EYS: variants seen among roughly 807,000 people sequenced by gnomAD.
EYS encodes protein eyes shut homolog.
Under a neutral mutation model 282.1 loss-of-function variants are expected in EYS, and 250 were observed. That is an observed-to-expected ratio of 0.89 (90% CI 0.80 to 0.98). The LOEUF (loss-of-function observed/expected upper bound fraction) is 0.98, where lower values mean the gene tolerates loss of function less well. Among genes scored for constraint, EYS ranks in the 50% least tolerant of loss-of-function variants. EYS has a pLI of 0.00. For synonymous variants in EYS, 1,355 were observed against 1,282.9 expected (o/e 1.06, Z -1.20); for missense variants, 4,016 against 3,709.0 (o/e 1.08, Z -2.15).
chr6:65,439,341 G>C (rs1410513229), intron 5 of EYS, among the ~76,000 whole-genome samples: 2 of 151,006 alleles, frequency 1.3e-5, no homozygotes, highest in East Asian at 3.9e-4. Flanking sequence ...CTCTTTTTTG[G>C]TTCCATATGA....
intron 26 of EYS, among the ~76,000 whole-genome samples, chr6:64,452,990 A>G (rs1475020920): frequency 1.3e-5 from 2 of 152,226 alleles, no homozygotes; most frequent in African/African-American, 4.8e-5. Flanking sequence ...AATGGCAACA[A>G]AAGCCAAAGT....
At chr6:64,516,962 A>G (rs1286105982) in intron 26 of EYS, among the ~76,000 whole-genome samples, 1 of 151,768 alleles carries the variant, frequency 6.6e-6, no homozygotes, top group East Asian at 1.9e-4. Flanking sequence ...ATTTATGTTG[A>G]TGGCAAAGTC....
intron 12 of EYS, among the ~76,000 whole-genome samples, chr6:65,239,154 T>A (rs1766996815): frequency 6.6e-6 from 1 of 152,064 alleles, no homozygotes; most frequent in Non-Finnish European, 1.5e-5. Context: ...GAAAAACTCA[T>A]AGACACAGGC....
chr6:65,467,134 T>C (rs963315952), intron 5 of EYS, among the ~76,000 whole-genome samples: 6 of 152,154 alleles, frequency 3.9e-5, no homozygotes, highest in African/African-American at 7.2e-5. Flanking sequence ...CCATTATGTA[T>C]GTAAAAATTT....
In EYS at chr6:65,446,993, C is replaced by T. The variant is rs941296356; in HGVS notation, c.863-41626G>A. On this transcript the variant is annotated intron_variant, in intron 5 of 42. Transcript: ENST00000503581. ...TAAAGACTTCTCACATAACAGACAT[C>T]GTCTTAGATGATTGTATAGCCTATC... 3.3e-4 allele frequency among the ~76,000 whole-genome samples: 50 copies of T among 151,524 alleles called. 1 individual carries two copies. Among genetic ancestry groups the T allele is most frequent in the Admixed American group, 1.1e-3 (17 of 15,124 alleles).
At chr6:64,735,058 T>C (rs1420474743) in intron 22 of EYS, among the ~76,000 whole-genome samples, 3 of 152,182 alleles carry the variant, frequency 2.0e-5, no homozygotes, top group African/African-American at 7.2e-5. Flanking sequence ...AATGACTTAC[T>C]TTATGGTACA....
intron 1 of EYS, among the ~76,000 whole-genome samples, chr6:65,656,725 TA>T (rs1767843920): frequency 6.6e-6 from 1 of 151,972 alleles, no homozygotes; most frequent in South Asian, 2.1e-4. Flanking sequence ...CAGCAAGTGC[TA>T]ATGTAGAAGC....
At chr6:65,381,523 G>A (rs1765610338) in intron 8 of EYS, among the ~76,000 whole-genome samples, 2 of 151,746 alleles carry the variant, frequency 1.3e-5, no homozygotes, top group Non-Finnish European at 1.5e-5. Context: ...TGCATGTGGG[G>A]CTTAAAACCT....
chr6:65,517,280 T>A (rs1325490292), intron 2 of EYS, among the ~76,000 whole-genome samples: 2 of 151,290 alleles, frequency 1.3e-5, no homozygotes, highest in Non-Finnish European at 3.0e-5. Flanking sequence ...TCCCATTTTT[T>A]AAATAAAAAT....
chr6:65,273,289 G>A (rs1767953228), intron 12 of EYS, among the ~76,000 whole-genome samples: 1 of 152,136 alleles, frequency 6.6e-6, no homozygotes, highest in Non-Finnish European at 1.5e-5. Context: ...GGGGACTACT[G>A]GACTGTTAGT....
intron 36 of EYS, among the ~76,000 whole-genome samples, chr6:63,833,055 T>C (rs189781549): frequency 1.3e-5 from 2 of 152,298 alleles, no homozygotes; most frequent in African/African-American, 4.8e-5. Flanking sequence ...TAGGTATTGA[T>C]GGGATGTATC....
chr6:64,043,334 A>G (rs1200881398), intron 33 of EYS, among the ~76,000 whole-genome samples: 1 of 152,226 alleles, frequency 6.6e-6, no homozygotes, highest in Admixed American at 6.5e-5. Flanking sequence ...GGTAAGCATC[A>G]TTCTGGAATG....
At chr6:65,153,369 G>A (rs1234144194) in intron 12 of EYS, among the ~76,000 whole-genome samples, 1 of 51,402 alleles carries the variant, frequency 1.9e-5, no homozygotes, top group African/African-American at 1.0e-4. Context: ...ATAAATGTGT[G>A]TGTGTGTGTG....
chr6:65,016,555 G>A lies in EYS; in HGVS notation c.2138-18852C>T, dbSNP rs180885407. Among the ~76,000 whole-genome samples the A allele has an allele frequency of 1.8e-3, 281 of 152,252 alleles. 2 individuals are homozygous for A. The highest frequency in any genetic ancestry group is 6.7e-3 in the African/African-American group (277 of 41,550). Reference sequence around the variant, plus strand: ...AAAAGTGAGTAAATAATAGGGTGGAGATAATCTTTCTGTGCAAGAGGCATC... The same window carrying A: ...AAAAGTGAGTAAATAATAGGGTGGAAATAATCTTTCTGTGCAAGAGGCATC... On this transcript the variant is annotated intron_variant, in intron 13 of 42. Transcript: ENST00000503581.
intron 36 of EYS, among the ~76,000 whole-genome samples, chr6:63,844,312 A>G (rs759030703): frequency 7.1e-4 from 108 of 152,186 alleles, no homozygotes; most frequent in Non-Finnish European, 7.8e-4. Context: ...GCTGCAATGA[A>G]CATACGCATG....
chr6:64,672,824 G>A lies in EYS; in HGVS notation c.3444-46579C>T, dbSNP rs150166181. 1.1e-3 allele frequency among the ~76,000 whole-genome samples: 166 copies of A among 152,152 alleles called. 1 individual carries two copies. The highest frequency in any genetic ancestry group is 6.8e-3 in the Middle Eastern group (2 of 292). On this transcript the variant is annotated intron_variant, in intron 22 of 42. Transcript: ENST00000503581. ...ACTTTTCTGGTTAAACTTGAACCAA[G>A]GCCTAAAAAGTAGATAAGTGACTCA...
At chr6:63,774,375 A>T (rs1770008516) in intron 40 of EYS, among the ~76,000 whole-genome samples, 1 of 151,846 alleles carries the variant, frequency 6.6e-6, no homozygotes, top group South Asian at 2.1e-4. Context: ...TGCCATGTTG[A>T]CCAGGCTGGT....
chr6:64,990,568 A>G (rs568049567), intron 14 of EYS, among the ~76,000 whole-genome samples: 2 of 151,776 alleles, frequency 1.3e-5, no homozygotes, highest in African/African-American at 4.8e-5. Flanking sequence ...ATAGTATTCA[A>G]TCAGTTCTAA....
intron 15 of EYS, among the ~76,000 whole-genome samples, chr6:64,920,804 T>A (rs1768321208): frequency 6.6e-6 from 1 of 152,096 alleles, no homozygotes; most frequent in African/African-American, 2.4e-5. Flanking sequence ...GGCAGAATTT[T>A]AAATACAAAA....
Sources: gnomAD v4.1 joint callset for allele counts (sites outside exome capture counted in the v4.1 genomes callset) on GRCh38, gnomAD v4.1.1 for gene constraint, MANE v1.5 for transcripts, NCBI Gene and HGNC (gene_info 2026-07-23, HGNC 2026-07-21) for gene names.